Variants in NECAB2 observed in about 807,000 individuals in gnomAD.
NECAB2 encodes the protein N-terminal EF-hand calcium binding protein 2.
Under a neutral mutation model 51.9 loss-of-function variants are expected in NECAB2, and 68 were observed. The observed-to-expected ratio is 1.31, with a 90% CI of 1.08 to 1.60. NECAB2 has a LOEUF of 1.60. NECAB2 is among the 40% of genes most tolerant of loss of function. The pLI is 0.00. For synonymous variants in NECAB2, 329 were observed against 203.5 expected, an observed-to-expected ratio of 1.62 and a Z score of -5.25; for missense variants, 854 against 490.3, an observed-to-expected ratio of 1.74 and a Z score of -7.00.
intron 3 of NECAB2, among the ~76,000 whole-genome samples, chr16:83,980,223 A>C (rs932473028): frequency 2.6e-5 from 4 of 152,176 alleles, no homozygotes; most frequent in Admixed American, 1.3e-4. Context: ...CAGCTTATCA[A>C]ATCTGCTCCT....
At chr16:83,995,202 T>C (rs1471338869) in intron 8 of NECAB2, among the ~76,000 whole-genome samples, 1 of 152,228 alleles carries the variant, frequency 6.6e-6, no homozygotes, top group Non-Finnish European at 1.5e-5. Flanking sequence ...CATTTTCAGA[T>C]AATGTTTCGT....
chr16:83,972,376 A>G (rs1175985850), intron 2 of NECAB2, among the ~76,000 whole-genome samples: 1 of 152,206 alleles, frequency 6.6e-6, no homozygotes, highest in Non-Finnish European at 1.5e-5. Context: ...AGTAGGGCCT[A>G]CTTAGTAGGG....
chr16:83,989,102 C>T (rs894051008), intron 5 of NECAB2, among the ~76,000 whole-genome samples: 2 of 152,214 alleles, frequency 1.3e-5, no homozygotes, highest in African/African-American at 4.8e-5. Flanking sequence ...CTGATCACTT[C>T]TAGCAGCCTT....
At chr16:83,998,092 G>T in intron 9 of NECAB2, 113 bp from the exon 10 acceptor site, 1 of 895,978 alleles carries the variant, frequency 1.1e-6, no homozygotes, top group East Asian at 2.7e-5. Context: ...AATGAAAAGT[G>T]GGGGAGGGTT....
chr16:83,994,708 C>T lies in NECAB2; in HGVS notation c.795+20C>T, dbSNP rs759276822. On this transcript the variant is annotated intron_variant, in intron 8 of 12. Transcript: ENST00000305202. ...AGCAAAGTAAGCCCTGGCCTGACCA[C>T]GGCGTCTACTCCTTCCAACCCCTGA... 21 of 1,613,108 alleles carry T rather than the reference C, an allele frequency of 1.3e-5. No individual in the cohort carries two copies. The highest frequency in any genetic ancestry group is 9.3e-5 in the African/African-American group (7 of 74,922).
upstream of NECAB2, chr16:83,965,570 C>T (rs149593532): frequency 4.3e-6 from 7 of 1,612,854 alleles, no homozygotes; most frequent in African/African-American, 8.0e-5. Flanking sequence ...GCCCAAGATG[C>T]TGTACCCCGA....
At chr16:83,992,790 C>G (rs1314823630) in intron 6 of NECAB2, among the ~76,000 whole-genome samples, 1 of 152,232 alleles carries the variant, frequency 6.6e-6, no homozygotes, top group Admixed American at 6.5e-5. Flanking sequence ...GAGCCCAGAA[C>G]TCTGCACATG....
At chr16:83,992,761 G>A (rs1051616609) in intron 6 of NECAB2, among the ~76,000 whole-genome samples, 1 of 152,166 alleles carries the variant, frequency 6.6e-6, no homozygotes, top group Non-Finnish European at 1.5e-5. Context: ...CATACTCACT[G>A]GCTAGAATCC....
chr16:83,993,741 A>G (rs188538605), intron 6 of NECAB2: 1 of 160,618 alleles, frequency 6.2e-6, no homozygotes, highest in East Asian at 1.8e-4. Context: ...TATGCACAGG[A>G]GAGGGGTGTC....
chr16:83,999,756 C>T (rs1471217691), intron 10 of NECAB2, among the ~76,000 whole-genome samples: 1 of 152,174 alleles, frequency 6.6e-6, no homozygotes, highest in African/African-American at 2.4e-5. Context: ...TGTGGCCCAG[C>T]ACCCCCTCCC....
intron 6 of NECAB2, among the ~76,000 whole-genome samples, chr16:83,991,005 A>G (rs953559814): frequency 6.6e-6 from 1 of 151,956 alleles, no homozygotes; most frequent in African/African-American, 2.4e-5. Flanking sequence ...TTTGTTTTAG[A>G]CAAAAAGTGT....
chr16:83,983,618 G>A (rs2084515825), intron 5 of NECAB2, among the ~76,000 whole-genome samples: 1 of 152,080 alleles, frequency 6.6e-6, no homozygotes, highest in African/African-American at 2.4e-5. Context: ...TATTGATGGG[G>A]TGGATGCTAT....
intron 5 of NECAB2, among the ~76,000 whole-genome samples, chr16:83,983,429 T>C (rs534603676): frequency 6.6e-6 from 1 of 152,332 alleles, no homozygotes; most frequent in South Asian, 2.1e-4. Context: ...AGTGCATCTC[T>C]AGTACTTCTC....
chr16:83,992,929 A>G (rs1378206036), intron 6 of NECAB2, among the ~76,000 whole-genome samples: 1 of 151,802 alleles, frequency 6.6e-6, no homozygotes, highest in Non-Finnish European at 1.5e-5. Flanking sequence ...CTCCTGCCGC[A>G]GAACAGATAG....
At chr16:84,002,265 C>T (rs189047539) in intron 12 of NECAB2, 53 bp from the exon 13 acceptor site, 45 of 1,598,286 alleles carry the variant, frequency 2.8e-5, no homozygotes, top group Middle Eastern at 3.4e-4. Context: ...CCACCAGCTA[C>T]GAGGCTGCCC....
intron 2 of NECAB2, among the ~76,000 whole-genome samples, chr16:83,978,037 C>T (rs1475257677): frequency 1.3e-5 from 2 of 152,142 alleles, no homozygotes; most frequent in African/African-American, 4.8e-5. Context: ...TCCAGGTGGC[C>T]ATGTAAATTG....
At position 84,002,688 on chromosome 16, in the gene NECAB2, A is replaced by AT. The variant is rs1567683339; in HGVS notation, c.*342_*343insT. 1.1e-5 allele frequency: 4 copies of AT among 373,484 alleles called. No individual in the cohort carries two copies. Among genetic ancestry groups the AT allele is most frequent in the Admixed American group, 3.7e-5 (1 of 27,226 alleles). 23.1% of individuals were successfully genotyped at this position (373,484 alleles called of 1,614,324 possible). A position where few individuals can be genotyped will look rare whatever the true frequency, so the allele number is the denominator to read the frequency against. On this transcript the variant is annotated 3_prime_UTR_variant, in exon 13 of 13. Coordinates refer to ENST00000305202, the MANE Select transcript of NECAB2 (RefSeq NM_019065.3). ...CTGCCCTCTTCGGTGACATTCTTCT[A>AT]CCTAGTAGGAGTCATGCCCCTGTAG...
In NECAB2 at chr16:83,990,540, T is replaced by A; in HGVS notation, c.506T>A (p.Leu169His). The change falls in exon 6 of 13, where the codon CTC (leucine) becomes CAC (histidine). Residue 169 changes from leucine to histidine, a missense_variant. Coordinates refer to ENST00000305202, the MANE Select transcript of NECAB2 (RefSeq NM_019065.3). ...GTGGACCAGTTTGTGACCCGCTTCC[T>A]CCTGAAGGAGACGGCCAATCAGATC... ...SNVDQFVTRF[L>H]LKETANQIQS... The A allele has an allele frequency of 6.2e-7, 1 of 1,614,126 alleles. No homozygotes were observed. The highest frequency in any genetic ancestry group is 8.5e-7 in the Non-Finnish European group (1 of 1,180,034).
Position 83,994,692 on chromosome 16 carries a change from A to C in NECAB2, c.795+4A>C, listed in dbSNP as rs748083388. The C allele has an allele frequency of 6.2e-7, 1 of 1,614,038 alleles. No individual in the cohort carries two copies. The highest frequency in any genetic ancestry group is 2.2e-5 in the East Asian group (1 of 44,874). ...GATTGGGAGGCTGGAGAGCAAAGTAAGCCCTGGCCTGACCACGGCGTCTAC... is the reference window on the plus strand; with the variant it reads ...GATTGGGAGGCTGGAGAGCAAAGTACGCCCTGGCCTGACCACGGCGTCTAC... On this transcript the variant is annotated splice_donor_region_variant and intron_variant, in intron 8 of 12. Coordinates refer to ENST00000305202, the MANE Select transcript of NECAB2 (RefSeq NM_019065.3).
Sources: gnomAD v4.1 joint callset for allele counts (sites outside exome capture counted in the v4.1 genomes callset) on GRCh38, gnomAD v4.1.1 for gene constraint, MANE v1.5 for transcripts, NCBI Gene and HGNC (gene_info 2026-07-23, HGNC 2026-07-21) for gene names.